LBH: variants seen among roughly 807,000 people sequenced by gnomAD.
LBH encodes the protein protein LBH.
A neutral mutation model predicts 12.5 loss-of-function variants in LBH; 7 were observed. The observed-to-expected ratio is 0.56, with a 90% CI of 0.32 to 1.05. The LOEUF (loss-of-function observed/expected upper bound fraction) is 1.05, where lower values mean the gene tolerates loss of function less well. Among genes scored for constraint, LBH ranks in the 50% least tolerant of loss-of-function variants. The probability of loss-of-function intolerance (pLI) is 0.04; values close to 1 mark genes in which losing one functional copy is unlikely to be tolerated. For missense variants in LBH, 119 were observed against 138.9 expected (o/e 0.86, Z 0.72); for synonymous variants, 51 against 50.1 (o/e 1.02, Z -0.08).
intron 2 of LBH, among the ~76,000 whole-genome samples, chr2:30,236,156 C>T (rs969927151): frequency 9.9e-5 from 15 of 152,224 alleles, no homozygotes; most frequent in African/African-American, 3.6e-4. Context: ...ATCTGTTCAT[C>T]TTGTGTGTGC....
chr2:30,234,610 G>T lies in LBH; in HGVS notation c.129+103G>T, dbSNP rs934303742. 6 of 751,132 alleles carry T rather than the reference G, an allele frequency of 8.0e-6. No homozygotes were observed. The African/African-American group carries it at 8.7e-5, about 11-fold the overall frequency. 46.5% of individuals were successfully genotyped at this position (751,132 alleles called of 1,614,324 possible). A position where few individuals can be genotyped will look rare whatever the true frequency, so the allele number is the denominator to read the frequency against. ...CATCCCAGTGCCACATATAAGAGCT[G>T]TGGGACTGTGGCAGAGTCCCCTAAT... On this transcript the variant is annotated intron_variant, in intron 2 of 2. Coordinates refer to ENST00000395323, the MANE Select transcript of LBH (RefSeq NM_030915.4).
chr2:30,255,336 G>A (rs1259821687), intron 2 of LBH, among the ~76,000 whole-genome samples: 1 of 152,166 alleles, frequency 6.6e-6, no homozygotes, highest in Non-Finnish European at 1.5e-5. Flanking sequence ...AGCGCCGTCT[G>A]AGGGCAGAAC....
intron 2 of LBH, among the ~76,000 whole-genome samples, chr2:30,254,553 A>G (rs1024638826): frequency 1.3e-5 from 2 of 151,870 alleles, no homozygotes; most frequent in Non-Finnish European, 1.5e-5. Context: ...TTGAAGTGAA[A>G]TCCAATGCTT....
rs932887145 is a variant in LBH at position 30,259,813 on chromosome 2, CCT to C, written c.*2195_*2196del. 12 of 151,906 alleles carry C rather than the reference CCT, an allele frequency of 7.9e-5. No homozygotes were observed. The highest frequency in any genetic ancestry group is 2.2e-4 in the African/African-American group (9 of 41,240). The allele number at this position is 151,906 out of a possible 1,614,324, so 9.4% of individuals were successfully genotyped here. A position where few individuals can be genotyped will look rare whatever the true frequency, so the allele number is the denominator to read the frequency against. On this transcript the variant is annotated 3_prime_UTR_variant, in exon 3 of 3. Transcript: ENST00000395323. ...AAGTGGCTGAGCTCCTATCTGGCCT[CCT>C]CTTTTTTTTTTTTTCAAGTAATTTG...
chr2:30,248,566 G>A (rs1677917623), intron 2 of LBH, among the ~76,000 whole-genome samples: 1 of 152,216 alleles, frequency 6.6e-6, no homozygotes, highest in Non-Finnish European at 1.5e-5. Flanking sequence ...ACTAGTGGAG[G>A]GAGGATAGAG....
At chr2:30,252,685 T>C (rs1341446793) in intron 2 of LBH, among the ~76,000 whole-genome samples, 1 of 152,118 alleles carries the variant, frequency 6.6e-6, no homozygotes, top group Non-Finnish European at 1.5e-5. Flanking sequence ...ACCTCTTTCC[T>C]TTATAAATTA....
intron 2 of LBH, among the ~76,000 whole-genome samples, chr2:30,247,454 G>A (rs985477109): frequency 1.3e-5 from 2 of 152,172 alleles, no homozygotes; most frequent in African/African-American, 2.4e-5. Context: ...TTTATCATTG[G>A]TGACAAATAC....
At chr2:30,238,982 C>T (rs1455012064) in intron 2 of LBH, among the ~76,000 whole-genome samples, 1 of 150,882 alleles carries the variant, frequency 6.6e-6, no homozygotes, top group Non-Finnish European at 1.5e-5. Context: ...CTCCACTTCC[C>T]GGGTTCAAGC....
At chr2:30,240,267 C>T (rs565291382) in intron 2 of LBH, among the ~76,000 whole-genome samples, 1 of 152,256 alleles carries the variant, frequency 6.6e-6, no homozygotes, top group East Asian at 1.9e-4. Context: ...ATAGGATCAG[C>T]ATTTTCTCTA....
At chr2:30,247,128 G>A (rs1382718100) in intron 2 of LBH, among the ~76,000 whole-genome samples, 1 of 152,080 alleles carries the variant, frequency 6.6e-6, no homozygotes, top group South Asian at 2.1e-4. Flanking sequence ...GCCAACAAGT[G>A]GTAGTTTCTT....
rs750086364 is a variant in LBH at position 30,257,460 on chromosome 2, C to T, written c.157C>T (p.Arg53Cys). 11 of 1,614,008 alleles carry T rather than the reference C, an allele frequency of 6.8e-6. No individual in the cohort carries two copies. Among genetic ancestry groups the T allele is most frequent in the Middle Eastern group, 1.6e-4 (1 of 6,080 alleles). ...QIFPDPSDFD[R>C]CCKLKDRLPS... The stretch of plus-strand genomic sequence containing the variant: ...CTTCCCAGACCCGTCAGATTTTGAC[C>T]GCTGCTGCAAACTGAAGGACCGTCT... Residue 53 changes from arginine to cysteine, a missense_variant, in exon 3 of 3, where the codon CGC (arginine) becomes TGC (cysteine). Arg to Cys is a radical substitution (Grantham distance 180, BLOSUM62 -3). Coordinates refer to ENST00000395323, the MANE Select transcript of LBH (RefSeq NM_030915.4).
chr2:30,235,233 A>G (rs1677669100), intron 2 of LBH, among the ~76,000 whole-genome samples: 1 of 152,050 alleles, frequency 6.6e-6, no homozygotes, highest in Admixed American at 6.6e-5. Context: ...GGTGGGAGCA[A>G]TGGAGCACCT....
rs78958612 is a variant in LBH at position 30,239,606 on chromosome 2, C to T, written c.129+5099C>T. Among the ~76,000 whole-genome samples the T allele has an allele frequency of 3.2e-4, 48 of 152,268 alleles. No homozygotes were observed. The East Asian group carries it at 5.8e-3, about 18-fold the overall frequency. On this transcript the variant is annotated intron_variant, in intron 2 of 2. Coordinates refer to ENST00000395323, the MANE Select transcript of LBH (RefSeq NM_030915.4). ...ACATTTGGCAGGAGGCATCCAGCCGCGGACACATGTTCCTGGGATTGCAAC... is the reference window on the plus strand; with the variant it reads ...ACATTTGGCAGGAGGCATCCAGCCGTGGACACATGTTCCTGGGATTGCAAC...
intron 2 of LBH, among the ~76,000 whole-genome samples, chr2:30,255,589 T>C (rs1678070418): frequency 6.6e-6 from 1 of 152,158 alleles, no homozygotes; most frequent in African/African-American, 2.4e-5. Context: ...TTTGCAGGTA[T>C]TGGGAAGGCT....
Position 30,231,716 on chromosome 2 carries a change from G to A in LBH, c.-23G>A. Reference sequence around the variant, plus strand: ...GACCGTTTTTAAATCACAGGGGCGTGTGTCAGCCTGCCCTAGGACTTCATG... The same window carrying A: ...GACCGTTTTTAAATCACAGGGGCGTATGTCAGCCTGCCCTAGGACTTCATG... On this transcript the variant is annotated 5_prime_UTR_variant, in exon 1 of 3. It adds an upstream start codon to the 5' untranslated region. Transcript: ENST00000395323. 6.3e-7 allele frequency: 1 copy of A among 1,590,202 alleles called. No homozygotes were observed. Among genetic ancestry groups the A allele is most frequent in the Non-Finnish European group, 8.6e-7 (1 of 1,168,262 alleles).
At chr2:30,255,952 G>C (rs554566874) in intron 2 of LBH, among the ~76,000 whole-genome samples, 3 of 152,292 alleles carry the variant, frequency 2.0e-5, no homozygotes, top group South Asian at 4.1e-4. Flanking sequence ...ACCCCTCTGG[G>C]GCCTTGAGTT....
At chr2:30,246,335 TA>T (rs979362179) in intron 2 of LBH, among the ~76,000 whole-genome samples, 2 of 152,214 alleles carry the variant, frequency 1.3e-5, no homozygotes, top group Non-Finnish European at 1.5e-5. Context: ...TTCACACTCT[TA>T]AAACTTATTT....
chr2:30,245,988 C>T (rs1198456678), intron 2 of LBH, among the ~76,000 whole-genome samples: 4 of 145,490 alleles, frequency 2.7e-5, no homozygotes, highest in African/African-American at 7.7e-5. Context: ...CCTTGAGACA[C>T]AATCTCACTC....
At chr2:30,243,885 G>A (rs966977020) in intron 2 of LBH, among the ~76,000 whole-genome samples, 3 of 151,982 alleles carry the variant, frequency 2.0e-5, no homozygotes, top group Non-Finnish European at 4.4e-5. Context: ...ACCCAGTGTC[G>A]AAGGGCCACG....
Sources: allele counts gnomAD v4.1 joint callset (sites outside exome capture counted in the v4.1 genomes callset), GRCh38; gene constraint gnomAD v4.1.1; transcripts MANE v1.5; gene names NCBI Gene and HGNC (gene_info 2026-07-23, HGNC 2026-07-21).